BIRC6: variants seen among roughly 807,000 people sequenced by gnomAD.
The protein encoded by BIRC6 is baculoviral IAP repeat containing 6.
In BIRC6, 98 loss-of-function variants were observed where a neutral mutation model predicts 503.3. The observed-to-expected ratio is 0.19, with a 90% CI of 0.17 to 0.23. BIRC6 has a LOEUF of 0.23. Among genes scored for constraint, BIRC6 ranks in the 10% least tolerant of loss-of-function variants. BIRC6 has a pLI of 1.00. For missense variants in BIRC6, 5,360 were observed against 5,806.0 expected (o/e 0.92, Z 2.50); for synonymous variants, 2,240 against 2,078.7 (o/e 1.08, Z -2.11).
At position 32,479,451 on chromosome 2, in the gene BIRC6, C is replaced by T. The variant is rs1281997420; in HGVS notation, c.7253-11C>T. The T allele has an allele frequency of 1.3e-6, 2 of 1,588,740 alleles. No homozygotes were observed. The highest frequency in any genetic ancestry group is 3.6e-5 in the Admixed American group (2 of 56,200). ...TAAATTATTAAAACAGGACTATCCCCTTACATACAGGAGAATTACTGGCTC... is the reference window on the plus strand; with the variant it reads ...TAAATTATTAAAACAGGACTATCCCTTTACATACAGGAGAATTACTGGCTC... On this transcript the variant is annotated splice_polypyrimidine_tract_variant and intron_variant, in intron 36 of 73. Transcript: ENST00000421745.
rs774641950 is a variant in BIRC6, at chr2:32,515,477, A to C, written c.11056A>C (p.Ile3686Leu). Residue 3686 changes from isoleucine to leucine, a missense_variant, in exon 55 of 74, where the codon ATT becomes CTT. Coordinates refer to ENST00000421745, the MANE Select transcript of BIRC6 (RefSeq NM_016252.4). ...TATCACAGCCGACCTAGTTGCTCCT[A>C]TTCTTAGGTTTTTGACAGAAGTTGG... Reference protein sequence around the residue: ...MPITADLVAPILRFLTEVGNS... With the variant: ...MPITADLVAPLLRFLTEVGNS... The C allele has an allele frequency of 6.2e-7, 1 of 1,613,728 alleles. No homozygotes were observed. The highest frequency in any genetic ancestry group is 1.7e-5 in the Admixed American group (1 of 60,022).
intron 67 of BIRC6, 38 bp from the exon 68 acceptor site, chr2:32,594,996 A>G: frequency 2.5e-6 from 3 of 1,209,240 alleles, no homozygotes; most frequent in Middle Eastern, 2.8e-4. Flanking sequence ...ATATACTTAA[A>G]ATGTATATGT....
At chr2:32,445,787 A>G in intron 21 of BIRC6, 119 bp downstream of exon 21, 3 of 722,456 alleles carry the variant, frequency 4.2e-6, no homozygotes, top group Non-Finnish European at 5.9e-6. Flanking sequence ...AAAAATGTTT[A>G]GTTTATACCT....
At chr2:32,572,100 T>G (rs1210363870) in intron 65 of BIRC6, among the ~76,000 whole-genome samples, 1 of 152,214 alleles carries the variant, frequency 6.6e-6, no homozygotes, top group Non-Finnish European at 1.5e-5. Context: ...CTTGATATGA[T>G]TTCGATTTTC....
chr2:32,539,664 T>G (rs971006862), intron 61 of BIRC6, among the ~76,000 whole-genome samples: 1 of 152,056 alleles, frequency 6.6e-6, no homozygotes, highest in Non-Finnish European at 1.5e-5. Flanking sequence ...GCTACAGCAG[T>G]CTATAGAGAG....
intron 23 of BIRC6, among the ~76,000 whole-genome samples, chr2:32,456,408 C>T (rs1266933183): frequency 6.6e-6 from 1 of 152,098 alleles, no homozygotes; most frequent in Non-Finnish European, 1.5e-5. Context: ...TATGTATCCA[C>T]TATTGGTTTG....
chr2:32,524,109 A>C (rs2056036265), intron 57 of BIRC6, among the ~76,000 whole-genome samples: 1 of 152,168 alleles, frequency 6.6e-6, no homozygotes, highest in African/African-American at 2.4e-5. Context: ...TAAAATTTCA[A>C]ATCAATTCAT....
chr2:32,610,190 T>C (rs1175472921), intron 72 of BIRC6, among the ~76,000 whole-genome samples: 2 of 152,164 alleles, frequency 1.3e-5, no homozygotes, highest in Admixed American at 1.3e-4. Context: ...TTTCTAGTGA[T>C]TTTCCCTTTA....
chr2:32,521,706 C>G (rs2149814865), intron 57 of BIRC6, among the ~76,000 whole-genome samples: 1 of 151,184 alleles, frequency 6.6e-6, no homozygotes, highest in African/African-American at 2.4e-5. Context: ...TGTCGAACTC[C>G]TGACCTCAAG....
At chr2:32,542,858 G>A (rs1572912402) in intron 61 of BIRC6, among the ~76,000 whole-genome samples, 2 of 152,256 alleles carry the variant, frequency 1.3e-5, no homozygotes, top group Admixed American at 6.5e-5. Flanking sequence ...GGAGTGCGGT[G>A]GTGTGATCTT....
chr2:32,563,585 C>T (rs2059340944), intron 65 of BIRC6: 1 of 152,002 alleles, frequency 6.6e-6, no homozygotes. Flanking sequence ...ATAAATATTT[C>T]AGTATAAAAA....
At chr2:32,406,410 C>G in intron 8 of BIRC6, 89 bp from the exon 9 acceptor site, 2 of 1,017,816 alleles carry the variant, frequency 2.0e-6, no homozygotes, top group Non-Finnish European at 3.0e-6. Context: ...AAAAAACCCA[C>G]AAAACCAACT....
chr2:32,372,591 C>T (rs868165344), intron 1 of BIRC6, among the ~76,000 whole-genome samples: 1 of 151,954 alleles, frequency 6.6e-6, no homozygotes, highest in East Asian at 1.9e-4. Context: ...TTCTGTAATC[C>T]CAGCACTTAG....
chr2:32,412,700 A>G (rs1168370453), intron 9 of BIRC6, among the ~76,000 whole-genome samples: 1 of 151,824 alleles, frequency 6.6e-6, no homozygotes, highest in Non-Finnish European at 1.5e-5. Flanking sequence ...ATTTTCTGAC[A>G]TTCCACTGAT....
intron 73 of BIRC6, among the ~76,000 whole-genome samples, chr2:32,614,014 A>AT (rs1384369641): frequency 6.6e-6 from 1 of 152,150 alleles, no homozygotes; most frequent in Non-Finnish European, 1.5e-5. Context: ...TATTACTGAC[A>AT]TTTTTTACAT....
intron 2 of BIRC6, among the ~76,000 whole-genome samples, chr2:32,378,743 C>T (rs2037202784): frequency 6.6e-6 from 1 of 152,202 alleles, no homozygotes; most frequent in Non-Finnish European, 1.5e-5. Context: ...AGGCGTGAGC[C>T]ACCGCACCCA....
chr2:32,492,910 G>A (rs1476058727), intron 44 of BIRC6, among the ~76,000 whole-genome samples: 3 of 151,782 alleles, frequency 2.0e-5, no homozygotes, highest in Non-Finnish European at 4.4e-5. Flanking sequence ...ATCAAATTAG[G>A]ATCAAATAAA....
chr2:32,436,308 G>T, intron 15 of BIRC6, 124 bp downstream of exon 15: 2 of 858,844 alleles, frequency 2.3e-6, no homozygotes, highest in Admixed American at 3.7e-5. Flanking sequence ...AATTTCATCA[G>T]TTTTCTGGTA....
At chr2:32,422,385 T>G (rs1291079502) in intron 10 of BIRC6, among the ~76,000 whole-genome samples, 1 of 152,190 alleles carries the variant, frequency 6.6e-6, no homozygotes, top group African/African-American at 2.4e-5. Context: ...AATAAATATT[T>G]TTAGTGTGCC....
Sources: gnomAD v4.1 joint callset for allele counts (sites outside exome capture counted in the v4.1 genomes callset) on GRCh38, gnomAD v4.1.1 for gene constraint, MANE v1.5 for transcripts, NCBI Gene and HGNC (gene_info 2026-07-23, HGNC 2026-07-21) for gene names.